Variants in RBFOX1 observed in about 807,000 individuals in gnomAD.
RBFOX1 encodes the protein RNA binding fox-1 homolog 1.
Under a neutral mutation model 57.7 loss-of-function variants are expected in RBFOX1, and 8 were observed. The ratio of observed to expected loss-of-function variants is 0.14; its 90% CI spans 0.08 to 0.25. RBFOX1 has a LOEUF of 0.25. Ranked by LOEUF, RBFOX1 falls within the 10% of genes least tolerant of loss-of-function variation. RBFOX1 has a pLI of 1.00. For synonymous variants in RBFOX1, 326 were observed against 222.4 expected, an observed-to-expected ratio of 1.47 and a Z score of -4.15; for missense variants, 611 against 548.5, an observed-to-expected ratio of 1.11 and a Z score of -1.14.
At chr16:7,332,145 TC>T (rs1603623568) in intron 4 of RBFOX1, among the ~76,000 whole-genome samples, 1 of 152,216 alleles carries the variant, frequency 6.6e-6, no homozygotes, top group East Asian at 1.9e-4. Flanking sequence ...TGGTTAGGAA[TC>T]GGGCTCTGGA....
chr16:5,564,653 C>T (rs1310467866), intron 2 of RBFOX1, among the ~76,000 whole-genome samples: 2 of 152,178 alleles, frequency 1.3e-5, no homozygotes, highest in African/African-American at 2.4e-5. Flanking sequence ...GAGGGAGACT[C>T]ATACCTATGT....
chr16:6,417,428 T>TA lies in RBFOX1; in HGVS notation c.-64+100371_-64+100372insA, dbSNP rs1344750206. ...ATGTGTTTACTTTTTTTTTTTTTTT[T>TA]TTTGAGACTGGAGTGCAGTGGCACT... On this transcript the variant is annotated intron_variant, in intron 2 of 15. Coordinates refer to ENST00000550418, the MANE Select transcript of RBFOX1 (RefSeq NM_018723.4). 3.3e-3 allele frequency among the ~76,000 whole-genome samples: 500 copies of TA among 149,810 alleles called. 2 individuals are homozygous for TA. Among genetic ancestry groups the TA allele is most frequent in the African/African-American group, 0.011 (440 of 40,860 alleles).
intron 2 of RBFOX1, among the ~76,000 whole-genome samples, chr16:6,603,238 C>A (rs547161924): frequency 6.6e-6 from 1 of 152,136 alleles, no homozygotes; most frequent in South Asian, 2.1e-4. Flanking sequence ...TATGGCAGAA[C>A]TCAGTCATCT....
intron 4 of RBFOX1, among the ~76,000 whole-genome samples, chr16:7,391,867 C>T (rs189098910): frequency 5.9e-5 from 9 of 152,158 alleles, no homozygotes; most frequent in Admixed American, 5.9e-4. Context: ...GACACTGATT[C>T]TTTTACGTAG....
intron 4 of RBFOX1, among the ~76,000 whole-genome samples, chr16:7,199,570 C>A (rs2087742554): frequency 6.6e-6 from 1 of 152,058 alleles, no homozygotes; most frequent in African/African-American, 2.4e-5. Flanking sequence ...CAGAATCAGC[C>A]AATAATCTGA....
At chr16:6,464,479 A>T (rs1277314952) in intron 2 of RBFOX1, among the ~76,000 whole-genome samples, 1 of 152,226 alleles carries the variant, frequency 6.6e-6, no homozygotes, top group African/African-American at 2.4e-5. Flanking sequence ...TGTAATAACG[A>T]AGTCCTACCC....
chr16:6,184,217 G>C (rs1450594124), intron 1 of RBFOX1, among the ~76,000 whole-genome samples: 1 of 152,116 alleles, frequency 6.6e-6, no homozygotes, highest in Non-Finnish European at 1.5e-5. Context: ...TGGGAATTAT[G>C]GGAACTACAG....
intron 1 of RBFOX1, among the ~76,000 whole-genome samples, chr16:5,319,758 A>G (rs2064349595): frequency 6.6e-6 from 1 of 152,244 alleles, no homozygotes; most frequent in Admixed American, 6.5e-5. Context: ...TTTGTTGTCC[A>G]CAAGACAGTT....
At chr16:7,302,116 G>C (rs1163385051) in intron 4 of RBFOX1, among the ~76,000 whole-genome samples, 2 of 152,046 alleles carry the variant, frequency 1.3e-5, no homozygotes, top group African/African-American at 2.4e-5. Context: ...ATGAACTTCT[G>C]CCTAGGGCTA....
intron 3 of RBFOX1, among the ~76,000 whole-genome samples, chr16:6,967,772 G>C (rs942272199): frequency 6.6e-6 from 1 of 152,070 alleles, no homozygotes. Flanking sequence ...GGACCCTGGG[G>C]AATGTGTGGG....
chr16:6,757,200 A>T (rs191864441), intron 3 of RBFOX1, among the ~76,000 whole-genome samples: 2 of 152,168 alleles, frequency 1.3e-5, no homozygotes, highest in Non-Finnish European at 2.9e-5. Context: ...GTTGGTTGGA[A>T]TGAAAATTGG....
At chr16:5,409,362 T>A (rs1171379820) in intron 1 of RBFOX1, among the ~76,000 whole-genome samples, 1 of 152,218 alleles carries the variant, frequency 6.6e-6, no homozygotes, top group Non-Finnish European at 1.5e-5. Flanking sequence ...TCCTCTTCTC[T>A]ACCCTCTTCC....
chr16:6,420,513 T>G (rs1002369733), intron 2 of RBFOX1, among the ~76,000 whole-genome samples: 2 of 152,210 alleles, frequency 1.3e-5, no homozygotes, highest in African/African-American at 4.8e-5. Flanking sequence ...GCCAGATATT[T>G]TTCTACTTTA....
At chr16:5,813,795 C>T (rs960575637) in intron 3 of RBFOX1, among the ~76,000 whole-genome samples, 14 of 152,224 alleles carry the variant, frequency 9.2e-5, no homozygotes, top group African/African-American at 3.4e-4. Context: ...TTATTTGGAT[C>T]CAGTCTCACT....
chr16:7,526,848 C>T (rs138224879), intron 5 of RBFOX1, among the ~76,000 whole-genome samples: 1 of 152,304 alleles, frequency 6.6e-6, no homozygotes, highest in East Asian at 1.9e-4. Context: ...GTCACTGTGG[C>T]TGAGAAGCAG....
At chr16:6,585,989 T>A (rs1315419447) in intron 2 of RBFOX1, among the ~76,000 whole-genome samples, 1 of 152,218 alleles carries the variant, frequency 6.6e-6, no homozygotes, top group Admixed American at 6.5e-5. Flanking sequence ...AACAGTGGAA[T>A]ACATGTTGCC....
At chr16:7,654,421 G>C (rs2065828273) in intron 12 of RBFOX1, among the ~76,000 whole-genome samples, 1 of 152,156 alleles carries the variant, frequency 6.6e-6, no homozygotes, top group South Asian at 2.1e-4. Context: ...CCTGCAAAGA[G>C]AAAATTAGGT....
chr16:5,585,848 T>C (rs528091834), intron 2 of RBFOX1, among the ~76,000 whole-genome samples: 1 of 152,358 alleles, frequency 6.6e-6, no homozygotes, highest in South Asian at 2.1e-4. Flanking sequence ...AACAAAATTC[T>C]TGGCATTTTT....
chr16:6,285,268 C>T (rs2076785680), intron 1 of RBFOX1, among the ~76,000 whole-genome samples: 1 of 152,022 alleles, frequency 6.6e-6, no homozygotes, highest in African/African-American at 2.4e-5. Context: ...CATAAGCCTC[C>T]ATGACAAAGG....
Sources: gnomAD v4.1 joint callset for allele counts (sites outside exome capture counted in the v4.1 genomes callset) on GRCh38, gnomAD v4.1.1 for gene constraint, MANE v1.5 for transcripts, NCBI Gene and HGNC (gene_info 2026-07-23, HGNC 2026-07-21) for gene names.